The following KLF8 variants were observed in gnomAD, a reference collection of about 807,000 sequenced individuals.
The protein encoded by KLF8 is KLF transcription factor 8.
In KLF8, 10 loss-of-function variants were observed where a neutral mutation model predicts 18.2. The observed-to-expected ratio is 0.55, with a 90% CI of 0.34 to 0.93. KLF8 has a LOEUF of 0.93. KLF8 is among the 40% of genes least tolerant of loss of function. The probability of loss-of-function intolerance (pLI) is 0.02; values close to 1 mark genes in which losing one functional copy is unlikely to be tolerated. For missense variants in KLF8, 264 were observed against 277.9 expected, an observed-to-expected ratio of 0.95 and a Z score of 0.36; for synonymous variants, 109 against 97.3, an observed-to-expected ratio of 1.12 and a Z score of -0.71.
chrX:56,116,736 TTG>T, the KLF8 span, among the ~76,000 whole-genome samples: 1 of 106,308 alleles, frequency 9.4e-6, no homozygotes, highest in Non-Finnish European at 1.9e-5. Context: ...TTTTCTTTTT[TTG>T]TGTGTAGTGA....
chrX:56,201,336 T>G, the KLF8 span, among the ~76,000 whole-genome samples: 1 of 112,023 alleles, frequency 8.9e-6, no homozygotes, highest in African/African-American at 3.2e-5. Flanking sequence ...GAGGATAAGA[T>G]GCTATGTTAA....
At chrX:56,058,237 CAT>C in the KLF8 span, among the ~76,000 whole-genome samples, 11 of 64,998 alleles carry the variant, frequency 1.7e-4, no homozygotes, top group African/African-American at 5.8e-4. Context: ...TATATACACA[CAT>C]ATATATACGT....
the KLF8 span, among the ~76,000 whole-genome samples, chrX:56,208,491 AT>A: frequency 2.7e-4 from 29 of 109,220 alleles, no homozygotes; most frequent in East Asian, 2.9e-4. Flanking sequence ...TCTAATCCTT[AT>A]TTTTTTTCTA....
the KLF8 span, among the ~76,000 whole-genome samples, chrX:56,080,077 C>A: frequency 3.6e-5 from 4 of 110,347 alleles, no homozygotes; most frequent in Admixed American, 9.7e-5. Context: ...AATACAGCAC[C>A]CTGATGGGTC....
At chrX:55,920,132 G>A in the KLF8 span, among the ~76,000 whole-genome samples, 1 of 111,829 alleles carries the variant, frequency 8.9e-6, no homozygotes, top group African/African-American at 3.3e-5. Flanking sequence ...GAGCATGGTA[G>A]CTCCCCCGGG....
At chrX:56,215,668 CA>C in the KLF8 span, among the ~76,000 whole-genome samples, 2 of 106,188 alleles carry the variant, frequency 1.9e-5, no homozygotes, top group Non-Finnish European at 3.9e-5. Flanking sequence ...ACTAAAAATA[CA>C]AAAATTAGCC....
At chrX:56,248,522 A>T (rs1354225274) in intron 1 of KLF8, among the ~76,000 whole-genome samples, 1 of 111,689 alleles carries the variant, frequency 9.0e-6, no homozygotes, top group Non-Finnish European at 1.9e-5. Flanking sequence ...CTCTTAATCC[A>T]TAGGAATCGA....
At chrX:56,273,342 A>C (rs1340811177) in intron 5 of KLF8, among the ~76,000 whole-genome samples, 1 of 105,767 alleles carries the variant, frequency 9.5e-6, no homozygotes, top group Non-Finnish European at 1.9e-5. Flanking sequence ...ATACTCTTTT[A>C]GTTATTTTAA....
the KLF8 span, among the ~76,000 whole-genome samples, chrX:56,216,139 T>C: frequency 9.1e-6 from 1 of 109,604 alleles, no homozygotes; most frequent in Non-Finnish European, 1.9e-5. Context: ...TTATCTAAAA[T>C]CAGCCTACTT....
At chrX:56,010,158 A>C in the KLF8 span, among the ~76,000 whole-genome samples, 1 of 111,272 alleles carries the variant, frequency 9.0e-6, no homozygotes, top group Non-Finnish European at 1.9e-5. Flanking sequence ...ACACATAATC[A>C]TCAGATTCTC....
chrX:56,054,859 T>A, the KLF8 span, among the ~76,000 whole-genome samples: 5 of 112,196 alleles, frequency 4.5e-5, no homozygotes, highest in Admixed American at 2.8e-4. Flanking sequence ...TCTTTTTTGA[T>A]GTTATTGGTT....
chrX:56,099,029 G>A, the KLF8 span, among the ~76,000 whole-genome samples: 1 of 111,723 alleles, frequency 9.0e-6, no homozygotes, highest in African/African-American at 3.3e-5. Context: ...CAAGACATAT[G>A]TCACTTTATT....
the KLF8 span, among the ~76,000 whole-genome samples, chrX:56,199,827 A>C: frequency 8.9e-6 from 1 of 111,834 alleles, no homozygotes; most frequent in Non-Finnish European, 1.9e-5. Flanking sequence ...ACTTGGAAAC[A>C]ACCCAAGTGT....
chrX:56,081,588 T>A, the KLF8 span, among the ~76,000 whole-genome samples: 1 of 111,897 alleles, frequency 8.9e-6, no homozygotes, highest in African/African-American at 3.3e-5. Flanking sequence ...GTCTTTCACT[T>A]TTGTGTATGA....
the KLF8 span, among the ~76,000 whole-genome samples, chrX:56,126,547 A>G: frequency 1.8e-5 from 2 of 110,694 alleles, no homozygotes; most frequent in Non-Finnish European, 3.8e-5. Flanking sequence ...ACTGAAAGCC[A>G]AAGTGCTATA....
At chrX:55,984,909 C>T in the KLF8 span, among the ~76,000 whole-genome samples, 1 of 109,944 alleles carries the variant, frequency 9.1e-6, no homozygotes, top group East Asian at 2.8e-4. Context: ...TTCTTGGTTG[C>T]AGGAATGTCT....
At chrX:55,932,464 C>T in the KLF8 span, among the ~76,000 whole-genome samples, 4 of 111,320 alleles carry the variant, frequency 3.6e-5, no homozygotes, top group East Asian at 2.8e-4. Flanking sequence ...TTCATAGTAT[C>T]GATGGTCTTT....
At chrX:56,004,532 A>G in the KLF8 span, among the ~76,000 whole-genome samples, 1 of 112,100 alleles carries the variant, frequency 8.9e-6, no homozygotes, top group Non-Finnish European at 1.9e-5. Context: ...ATGAGTATCT[A>G]TAGCTATTAG....
the KLF8 span, among the ~76,000 whole-genome samples, chrX:56,010,401 C>G: frequency 8.9e-6 from 1 of 112,085 alleles, no homozygotes; most frequent in African/African-American, 3.2e-5. Context: ...CCTTTTCAGA[C>G]AAGCAAATGC....
Sources: allele counts gnomAD v4.1 joint callset (sites outside exome capture counted in the v4.1 genomes callset), GRCh38; gene constraint gnomAD v4.1.1; transcripts MANE v1.5; gene names NCBI Gene and HGNC (gene_info 2026-07-23, HGNC 2026-07-21).